The following THSD7B variants were observed in gnomAD, a reference collection of about 807,000 sequenced individuals.
THSD7B encodes the protein thrombospondin type 1 domain containing 7B.
Under a neutral mutation model 213.6 loss-of-function variants are expected in THSD7B, and 138 were observed. That is an observed-to-expected ratio of 0.65 (90% CI 0.56 to 0.74). THSD7B has a LOEUF of 0.74. THSD7B is among the 30% of genes least tolerant of loss of function. The probability of loss-of-function intolerance (pLI) is 0.00; values close to 1 mark genes in which losing one functional copy is unlikely to be tolerated. For missense variants in THSD7B, 1,931 were observed against 1,991.5 expected (o/e 0.97, Z 0.58); for synonymous variants, 742 against 687.0 (o/e 1.08, Z -1.25).
intron 21 of THSD7B, among the ~76,000 whole-genome samples, chr2:137,643,467 T>C (rs931560645): frequency 2.0e-5 from 3 of 152,378 alleles, no homozygotes; most frequent in Non-Finnish European, 1.5e-5. Flanking sequence ...TGTATTTTAA[T>C]AGGTCCCAGA....
chr2:137,528,821 C>T (rs777371806), intron 15 of THSD7B, among the ~76,000 whole-genome samples: 18 of 152,036 alleles, frequency 1.2e-4, no homozygotes, highest in Non-Finnish European at 1.8e-4. Flanking sequence ...TTCTGACCTG[C>T]CAGAGTCCTT....
At chr2:137,246,298 T>C (rs1682036064) in intron 10 of THSD7B, among the ~76,000 whole-genome samples, 1 of 152,188 alleles carries the variant, frequency 6.6e-6, no homozygotes, top group Non-Finnish European at 1.5e-5. Flanking sequence ...GTCTTCAAAG[T>C]TGACTGCACA....
At chr2:137,604,105 A>C (rs1047626964) in intron 17 of THSD7B, among the ~76,000 whole-genome samples, 10 of 152,216 alleles carry the variant, frequency 6.6e-5, no homozygotes, top group Admixed American at 3.3e-4. Flanking sequence ...TCTCGAAAAA[A>C]AATAATAATA....
intron 15 of THSD7B, among the ~76,000 whole-genome samples, chr2:137,551,935 G>T (rs2105207523): frequency 6.6e-6 from 1 of 152,248 alleles, no homozygotes; most frequent in South Asian, 2.1e-4. Context: ...AGGATCTCCA[G>T]AGATACCTGA....
At chr2:136,859,215 G>A (rs1167708435) in intron 1 of THSD7B, among the ~76,000 whole-genome samples, 1 of 152,250 alleles carries the variant, frequency 6.6e-6, no homozygotes, top group South Asian at 2.1e-4. Context: ...TATGAACAAT[G>A]CTTTTAGACA....
chr2:137,064,387 C>G (rs578041078), intron 3 of THSD7B, among the ~76,000 whole-genome samples: 1 of 151,892 alleles, frequency 6.6e-6, no homozygotes, highest in Admixed American at 6.6e-5. Flanking sequence ...GTTTGAGCTT[C>G]TTATGTAATC....
intron 2 of THSD7B, among the ~76,000 whole-genome samples, chr2:136,907,673 A>G (rs900960443): frequency 2.6e-5 from 4 of 152,266 alleles, no homozygotes; most frequent in African/African-American, 9.6e-5. Flanking sequence ...TTAGTAAATT[A>G]CTAAAAATCT....
chr2:137,566,176 T>C (rs1681232921), intron 16 of THSD7B, among the ~76,000 whole-genome samples: 1 of 152,200 alleles, frequency 6.6e-6, no homozygotes, highest in African/African-American at 2.4e-5. Context: ...AAAATACTTG[T>C]GAATATTTGC....
At chr2:137,054,466 T>C (rs913683240) in intron 2 of THSD7B, among the ~76,000 whole-genome samples, 7 of 152,228 alleles carry the variant, frequency 4.6e-5, no homozygotes, top group Non-Finnish European at 7.3e-5. Flanking sequence ...TTTGTCCTAC[T>C]AAAGTGACAG....
chr2:136,881,301 C>T (rs1233317192), intron 1 of THSD7B, among the ~76,000 whole-genome samples: 2 of 152,134 alleles, frequency 1.3e-5, no homozygotes, highest in South Asian at 2.1e-4. Flanking sequence ...TTCTCCAAAT[C>T]ATGAGCTCCT....
chr2:136,954,666 A>G (rs1285198563), intron 2 of THSD7B, among the ~76,000 whole-genome samples: 1 of 149,872 alleles, frequency 6.7e-6, no homozygotes, highest in African/African-American at 2.5e-5. Context: ...GCAGTAAGCC[A>G]AGATGGCGCC....
chr2:137,177,368 A>T (rs563401972), intron 7 of THSD7B, among the ~76,000 whole-genome samples: 30 of 152,308 alleles, frequency 2.0e-4, no homozygotes, highest in African/African-American at 7.2e-4. Context: ...GTATTGGAAT[A>T]GTTCTGAAAA....
intron 7 of THSD7B, among the ~76,000 whole-genome samples, chr2:137,179,325 T>A (rs1680412238): frequency 6.6e-6 from 1 of 152,182 alleles, no homozygotes; most frequent in Non-Finnish European, 1.5e-5. Flanking sequence ...TTGTTTTCAC[T>A]TTCTGAAATG....
chr2:136,774,584 A>T (rs1433763143), intron 1 of THSD7B, among the ~76,000 whole-genome samples: 1 of 152,102 alleles, frequency 6.6e-6, no homozygotes, highest in African/African-American at 2.4e-5. Flanking sequence ...AAACATTTTA[A>T]TAATTCCAAG....
chr2:136,899,834 A>C lies in THSD7B; in HGVS notation c.139+17517A>C, dbSNP rs78659922. Among the ~76,000 whole-genome samples, 133 of 152,320 alleles carry C rather than the reference A, an allele frequency of 8.7e-4. 2 individuals are homozygous for C. In the East Asian group the frequency reaches 0.024, roughly 28 times the overall value. On this transcript the variant is annotated intron_variant, in intron 2 of 27. Coordinates refer to ENST00000409968, the MANE Select transcript of THSD7B (RefSeq NM_001316349.2). ...TAATTCAAATGAAGTATAAGTTCTAAAGTTCTTAACATGTTGCTAATATGC... is the reference window on the plus strand; with the variant it reads ...TAATTCAAATGAAGTATAAGTTCTACAGTTCTTAACATGTTGCTAATATGC...
chr2:137,463,770 G>A (rs1687933333), intron 15 of THSD7B, among the ~76,000 whole-genome samples: 1 of 152,042 alleles, frequency 6.6e-6, no homozygotes, highest in Non-Finnish European at 1.5e-5. Context: ...TGAGGTGAGT[G>A]CATAAACAAT....
At chr2:137,461,913 A>G (rs1687893249) in intron 15 of THSD7B, among the ~76,000 whole-genome samples, 1 of 152,114 alleles carries the variant, frequency 6.6e-6, no homozygotes, top group South Asian at 2.1e-4. Context: ...GATCATATAA[A>G]TCAACTGATT....
chr2:137,314,807 G>A (rs186170120), intron 12 of THSD7B, among the ~76,000 whole-genome samples: 2,381 of 152,318 alleles, frequency 0.016, 50 homozygotes, highest in Admixed American at 0.054. Flanking sequence ...TTGCCTCCCA[G>A]TTAGGCTGCT....
chr2:137,534,326 C>A (rs1680461671), intron 15 of THSD7B, among the ~76,000 whole-genome samples: 1 of 151,606 alleles, frequency 6.6e-6, no homozygotes, highest in Non-Finnish European at 1.5e-5. Flanking sequence ...GGATAGCAGT[C>A]CCTTTTATGT....
Sources: gnomAD v4.1 joint callset for allele counts (sites outside exome capture counted in the v4.1 genomes callset) on GRCh38, gnomAD v4.1.1 for gene constraint, MANE v1.5 for transcripts, NCBI Gene and HGNC (gene_info 2026-07-23, HGNC 2026-07-21) for gene names.